The following CCDC197 variants were observed in gnomAD, a reference collection of about 807,000 sequenced individuals.
CCDC197 encodes the protein uncharacterized protein CCDC197.
A neutral mutation model predicts 13.4 loss-of-function variants in CCDC197; 24 were observed. That is an observed-to-expected ratio of 1.80 (90% CI 1.30 to 2.53). CCDC197 has a LOEUF of 2.53. CCDC197 is among the 30% of genes most tolerant of loss of function. The pLI is 0.00. For missense variants in CCDC197, 255 were observed against 148.8 expected (o/e 1.71, Z -3.71); for synonymous variants, 99 against 55.5 (o/e 1.78, Z -3.48).
At chr14:94,006,088 A>G (rs1033524347) in intron 6 of CCDC197, among the ~76,000 whole-genome samples, 9 of 152,190 alleles carry the variant, frequency 5.9e-5, no homozygotes, top group Non-Finnish European at 7.3e-5. Flanking sequence ...ACTCTTTTCC[A>G]AAGTGGCTGC....
chr14:93,992,226 C>T (rs758159330), intron 1 of CCDC197, among the ~76,000 whole-genome samples: 2 of 152,076 alleles, frequency 1.3e-5, no homozygotes, highest in African/African-American at 4.8e-5. Flanking sequence ...GAGAGTGGCC[C>T]GCAGGGGACA....
upstream of CCDC197, among the ~76,000 whole-genome samples, chr14:93,996,908 C>T (rs1026998042): frequency 5.3e-5 from 8 of 152,314 alleles, 1 homozygote; most frequent in East Asian, 1.9e-4. Context: ...ACCCCCTGCA[C>T]GGAACCAGGC....
At chr14:94,004,198 C>T (rs927019471) in intron 5 of CCDC197, among the ~76,000 whole-genome samples, 7 of 152,178 alleles carry the variant, frequency 4.6e-5, no homozygotes, top group African/African-American at 7.2e-5. Flanking sequence ...CACCCCTGGA[C>T]CCCGGTTCCT....
At chr14:94,005,882 C>A (rs919910711) in intron 6 of CCDC197, among the ~76,000 whole-genome samples, 5 of 152,292 alleles carry the variant, frequency 3.3e-5, no homozygotes, top group African/African-American at 1.2e-4. Context: ...ATGGATAGAA[C>A]TTTTGTTTAT....
rs60333700 is a variant in CCDC197 at position 94,001,203 on chromosome 14, C to T, written c.246C>T (p.Tyr82=). 0.12 allele frequency: 97,335 copies of T among 780,604 alleles called. 12,806 individuals carry two copies. The highest frequency in any genetic ancestry group is 0.57 in the East Asian group (23,400 of 41,174). 48.4% of individuals were successfully genotyped at this position (780,604 alleles called of 1,614,324 possible). A position where few individuals can be genotyped will look rare whatever the true frequency, so the allele number is the denominator to read the frequency against. Residue 82 remains tyrosine, a synonymous_variant, in exon 4 of 7, where the codon TAC becomes TAT. Coordinates refer to ENST00000636493, the MANE Select transcript of CCDC197 (RefSeq NM_001351596.2). ...TGGTGGAGGCCACGGTGAAGCACTACGGGAAGCTCTTCACAGCCAGCCAGG... is the reference window on the plus strand; with the variant it reads ...TGGTGGAGGCCACGGTGAAGCACTATGGGAAGCTCTTCACAGCCAGCCAGG... The part of the protein sequence containing the change: ...EVLVEATVKH[Y]GKLFTASQDT...
downstream of CCDC197, among the ~76,000 whole-genome samples, chr14:94,011,298 G>T (rs1890803652): frequency 1.3e-5 from 2 of 152,198 alleles, no homozygotes; most frequent in South Asian, 4.1e-4. Flanking sequence ...CCTATCACCT[G>T]CCTGCTGTGC....
upstream of CCDC197, among the ~76,000 whole-genome samples, chr14:93,994,052 G>A (rs1890247227): frequency 2.0e-5 from 3 of 152,156 alleles, no homozygotes; most frequent in South Asian, 6.2e-4. Flanking sequence ...GGGGGAGGAA[G>A]AAGAGGAAGA....
chr14:94,000,092 T>C (rs1240357850), intron 3 of CCDC197, among the ~76,000 whole-genome samples: 2 of 152,176 alleles, frequency 1.3e-5, no homozygotes, highest in East Asian at 3.8e-4. Flanking sequence ...TATAAGGACA[T>C]CTGAGATGAG....
intron 2 of CCDC197, 118 bp downstream of exon 2, chr14:93,998,353 G>A (rs1890386463): frequency 1.5e-6 from 1 of 674,486 alleles, no homozygotes; most frequent in African/African-American, 1.8e-5. Flanking sequence ...GATGAGGAGG[G>A]CAGTGTGGCT....
At chr14:93,987,941 G>A (rs2141336710) in intron 1 of CCDC197, among the ~76,000 whole-genome samples, 1 of 147,506 alleles carries the variant, frequency 6.8e-6, no homozygotes, top group South Asian at 2.2e-4. Context: ...GGAGGGAGGT[G>A]GGAAGGAGGG....
intron 1 of CCDC197, 132 bp from the exon 2 acceptor site, chr14:93,997,867 T>A (rs1445250343): frequency 2.2e-5 from 11 of 492,706 alleles, no homozygotes; most frequent in Non-Finnish European, 4.0e-5. Context: ...CCTCAACCTC[T>A]CCAGAGCTGG....
Position 94,001,341 on chromosome 14 carries a change from T to C in CCDC197, c.366+18T>C. 1 of 738,102 alleles carries C rather than the reference T, an allele frequency of 1.4e-6. No individual in the cohort carries two copies. Among genetic ancestry groups the C allele is most frequent in the Non-Finnish European group, 2.5e-6 (1 of 394,902 alleles). 45.7% of individuals were successfully genotyped at this position (738,102 alleles called of 1,614,324 possible). ...TCATGTTGGTAACAGCTGCTTGAAG[T>C]CTGCTCCATTCCCCGTGGCCCAGGG... On this transcript the variant is annotated intron_variant, in intron 4 of 6. Transcript: ENST00000636493.
chr14:93,997,993 T>C lies in CCDC197; in HGVS notation c.-133-6T>C. On this transcript the variant is annotated splice_polypyrimidine_tract_variant and splice_region_variant and intron_variant, in intron 1 of 6. Coordinates refer to ENST00000636493, the MANE Select transcript of CCDC197 (RefSeq NM_001351596.2). ...CTTTCTGAACCTCTGTCTCCTTTTC[T>C]GTGAGGTGGGGATGCTAACCCTGGC... 1.6e-6 allele frequency: 1 copy of C among 638,624 alleles called. No homozygotes were observed. The highest frequency in any genetic ancestry group is 2.8e-6 in the Non-Finnish European group (1 of 351,888). The allele number at this position is 638,624 out of a possible 1,614,324, so 39.6% of individuals were successfully genotyped here. A position where few individuals can be genotyped will look rare whatever the true frequency, so the allele number is the denominator to read the frequency against.
chr14:93,988,896 C>T (rs564255742), intron 1 of CCDC197, among the ~76,000 whole-genome samples: 3 of 84,598 alleles, frequency 3.5e-5, no homozygotes, highest in South Asian at 8.3e-4. Flanking sequence ...GGATGGGAGA[C>T]GGGATGGGAG....
chr14:94,000,121 T>C (rs1408731808), intron 3 of CCDC197, among the ~76,000 whole-genome samples: 2 of 152,198 alleles, frequency 1.3e-5, no homozygotes, highest in Non-Finnish European at 2.9e-5. Context: ...TGTTGTTTTA[T>C]GAGTACTGGA....
chr14:94,008,600 C>G lies in CCDC197; in HGVS notation c.616-9C>G. 1 of 698,246 alleles carries G rather than the reference C, an allele frequency of 1.4e-6. No individual in the cohort carries two copies. Among genetic ancestry groups the G allele is most frequent in the Non-Finnish European group, 2.6e-6 (1 of 380,990 alleles). The allele number at this position is 698,246 out of a possible 1,614,324, so 43.3% of individuals were successfully genotyped here. On this transcript the variant is annotated splice_polypyrimidine_tract_variant and intron_variant, in intron 6 of 6. Coordinates refer to ENST00000636493, the MANE Select transcript of CCDC197 (RefSeq NM_001351596.2). ...CACTGTCAGGTGAGAGATTTATTTT[C>G]CCTCCCAGGAGTTCATGTTGGACAA...
intron 1 of CCDC197, among the ~76,000 whole-genome samples, chr14:93,991,013 C>T (rs1442070467): frequency 1.3e-5 from 2 of 152,280 alleles, no homozygotes; most frequent in South Asian, 4.2e-4. Flanking sequence ...TGAGAGCTGC[C>T]AAGGGGTGCC....
chr14:94,007,544 A>C (rs1890718516), intron 6 of CCDC197: 1 of 152,150 alleles, frequency 6.6e-6, no homozygotes, highest in South Asian at 2.1e-4. Context: ...TAAATATTAA[A>C]ATTGAGAAGT....
intron 3 of CCDC197, 48 bp from the exon 4 acceptor site, chr14:94,001,097 C>A (rs758247874): frequency 1.4e-6 from 1 of 703,062 alleles, no homozygotes; most frequent in South Asian, 1.6e-5. Flanking sequence ...GTTGGCATGG[C>A]CCACTGCAGG....
Sources: gnomAD v4.1 joint callset for allele counts (sites outside exome capture counted in the v4.1 genomes callset) on GRCh38, gnomAD v4.1.1 for gene constraint, MANE v1.5 for transcripts, NCBI Gene and HGNC (gene_info 2026-07-23, HGNC 2026-07-21) for gene names.